Variants in SFXN1 observed in about 807,000 individuals in gnomAD.
SFXN1 encodes sideroflexin-1.
SFXN1 carries 32 observed loss-of-function variants against 39.5 expected under a neutral mutation model. The ratio of observed to expected loss-of-function variants is 0.81; its 90% CI spans 0.61 to 1.09. The LOEUF (loss-of-function observed/expected upper bound fraction) is 1.09, where lower values mean the gene tolerates loss of function less well. Among genes scored for constraint, SFXN1 ranks in the 50% least tolerant of loss-of-function variants. The probability of loss-of-function intolerance (pLI) is 0.00; values close to 1 mark genes in which losing one functional copy is unlikely to be tolerated. For synonymous variants in SFXN1, 136 were observed against 146.5 expected, an observed-to-expected ratio of 0.93 and a Z score of 0.52; for missense variants, 402 against 407.1, an observed-to-expected ratio of 0.99 and a Z score of 0.11.
At position 175,526,815 on chromosome 5, in the gene SFXN1, C is replaced by G. The variant is rs981404105; in HGVS notation, c.*81C>G. On this transcript the variant is annotated 3_prime_UTR_variant, in exon 11 of 11. Coordinates refer to ENST00000321442, the MANE Select transcript of SFXN1 (RefSeq NM_022754.7). ...GCTGGTGAGAAAAATCCTGTTCAAC[C>G]TGGGTTCTCCCAGTTACGGAAACCT... 8.6e-7 allele frequency: 1 copy of G among 1,162,890 alleles called. No homozygotes were observed. Among genetic ancestry groups the G allele is most frequent in the Non-Finnish European group, 1.3e-6 (1 of 778,986 alleles). 72.0% of individuals were successfully genotyped at this position (1,162,890 alleles called of 1,614,324 possible).
intron 10 of SFXN1, among the ~76,000 whole-genome samples, chr5:175,525,004 C>A (rs1761016392): frequency 6.6e-6 from 1 of 152,146 alleles, no homozygotes; most frequent in African/African-American, 2.4e-5. Context: ...ATTTAATCTT[C>A]CTCCTACAAA....
At chr5:175,494,069 G>A (rs1276594928) in intron 2 of SFXN1, among the ~76,000 whole-genome samples, 1 of 152,124 alleles carries the variant, frequency 6.6e-6, no homozygotes, top group African/African-American at 2.4e-5. Flanking sequence ...ATTAATTGGT[G>A]CTCCTAAAAG....
chr5:175,499,914 C>T (rs1243491689), intron 2 of SFXN1, among the ~76,000 whole-genome samples: 1 of 152,244 alleles, frequency 6.6e-6, no homozygotes, highest in Non-Finnish European at 1.5e-5. Flanking sequence ...CCAGGCCAGG[C>T]GCAGTGGCTC....
At chr5:175,506,028 G>C (rs1465179737) in intron 2 of SFXN1, among the ~76,000 whole-genome samples, 3 of 152,142 alleles carry the variant, frequency 2.0e-5, no homozygotes, top group African/African-American at 7.2e-5. Context: ...ATGTTGGCCA[G>C]GCTGGTGTCA....
intron 8 of SFXN1, among the ~76,000 whole-genome samples, chr5:175,519,273 T>C (rs980508615): frequency 1.2e-4 from 18 of 152,206 alleles, no homozygotes; most frequent in African/African-American, 4.1e-4. Context: ...GGTACAGTCA[T>C]GTGAGAAAAT....
intron 1 of SFXN1, among the ~76,000 whole-genome samples, chr5:175,482,241 G>C (rs1459548013): frequency 6.6e-6 from 1 of 152,164 alleles, no homozygotes; most frequent in Admixed American, 6.5e-5. Context: ...TGGGCAATCA[G>C]ACCCTTTCAT....
chr5:175,497,898 C>G (rs1046790741), intron 2 of SFXN1, among the ~76,000 whole-genome samples: 2 of 149,034 alleles, frequency 1.3e-5, no homozygotes, highest in African/African-American at 5.0e-5. Flanking sequence ...CCACTGCACT[C>G]CAGCGCAGGT....
chr5:175,516,615 C>A lies in SFXN1; in HGVS notation c.726C>A (p.Ala242=), dbSNP rs776084732. ...AAGTGGATCTATCTTTATTTCCAGC[C>A]ATCCCTCCATTCATTATGAACACTT... The part of the protein sequence containing the change: ...SRILMAAPGM[A]IPPFIMNTLE... Residue 242 remains alanine, a splice_region_variant and synonymous_variant, in exon 8 of 11, where the codon GCC becomes GCA. Coordinates refer to ENST00000321442, the MANE Select transcript of SFXN1 (RefSeq NM_022754.7). 3.1e-6 allele frequency: 5 copies of A among 1,610,438 alleles called. No homozygotes were observed. Among genetic ancestry groups the A allele is most frequent in the Non-Finnish European group, 4.2e-6 (5 of 1,178,750 alleles).
At chr5:175,483,519 A>G (rs1279977803) in intron 1 of SFXN1, 3 of 152,146 alleles carry the variant, frequency 2.0e-5, no homozygotes, top group African/African-American at 7.2e-5. Context: ...TCTGTCACCA[A>G]TCATTTTCTT....
chr5:175,505,339 A>T (rs1760247196), intron 2 of SFXN1, among the ~76,000 whole-genome samples: 1 of 151,726 alleles, frequency 6.6e-6, no homozygotes, highest in African/African-American at 2.4e-5. Context: ...GTTCAAGACC[A>T]GCCTGGCCAA....
chr5:175,508,222 A>ATTTTTT (rs67028708), intron 2 of SFXN1, among the ~76,000 whole-genome samples: 2 of 63,898 alleles, frequency 3.1e-5, no homozygotes, highest in Non-Finnish European at 5.6e-5. Context: ...AATAGATTTG[A>ATTTTTT]TTTTTTTTTT....
chr5:175,511,009 T>G (rs2652190), intron 4 of SFXN1, among the ~76,000 whole-genome samples: 31,736 of 152,150 alleles, frequency 0.21, 3,999 homozygotes, highest in South Asian at 0.35. Flanking sequence ...TAAGATATCA[T>G]TTTTTAAATG....
chr5:175,479,767 A>T (rs1452852516), intron 1 of SFXN1, among the ~76,000 whole-genome samples: 1 of 151,692 alleles, frequency 6.6e-6, no homozygotes, highest in East Asian at 1.9e-4. Flanking sequence ...TCCGTAGGCA[A>T]CTCTTTTCTG....
chr5:175,518,713 G>A (rs1760790348), intron 8 of SFXN1, among the ~76,000 whole-genome samples: 3 of 152,160 alleles, frequency 2.0e-5, no homozygotes, highest in Non-Finnish European at 4.4e-5. Context: ...TGGGATGTAG[G>A]CAATGTGTAA....
At chr5:175,485,948 AT>A (rs1211430385) in intron 1 of SFXN1, among the ~76,000 whole-genome samples, 5 of 152,232 alleles carry the variant, frequency 3.3e-5, no homozygotes, top group African/African-American at 1.2e-4. Context: ...GAGGTAGAAT[AT>A]TCTCTGATGT....
chr5:175,508,966 T>C, intron 2 of SFXN1, 66 bp from the exon 3 acceptor site: 4 of 1,472,402 alleles, frequency 2.7e-6, no homozygotes, highest in African/African-American at 1.4e-5. Context: ...TTGTAGCCAC[T>C]TGTCTCTAGG....
At chr5:175,478,921 C>T (rs187586416) in intron 1 of SFXN1, among the ~76,000 whole-genome samples, 132 of 152,262 alleles carry the variant, frequency 8.7e-4, no homozygotes, top group Non-Finnish European at 1.4e-3. Context: ...GTGGGAAGGG[C>T]CCTCCGCCGC....
At position 175,527,566 on chromosome 5, in the gene SFXN1, C is replaced by T. The variant is rs1230550407; in HGVS notation, c.*832C>T. 1 of 152,054 alleles carries T rather than the reference C, an allele frequency of 6.6e-6. No individual in the cohort carries two copies. The highest frequency in any genetic ancestry group is 1.5e-5 in the Non-Finnish European group (1 of 68,012). 9.4% of individuals were successfully genotyped at this position (152,054 alleles called of 1,614,324 possible). ...CCAATGCTGTATGAGTGGGCTGAAT[C>T]CAGTTCATTGTTTTTTTTTTGGTAA... On this transcript the variant is annotated 3_prime_UTR_variant, in exon 11 of 11. Coordinates refer to ENST00000321442, the MANE Select transcript of SFXN1 (RefSeq NM_022754.7).
chr5:175,506,114 G>A (rs974080735), intron 2 of SFXN1, among the ~76,000 whole-genome samples: 3 of 152,148 alleles, frequency 2.0e-5, no homozygotes, highest in East Asian at 1.9e-4. Context: ...CATTGTGCTC[G>A]GTCCACATTT....
Sources: gnomAD v4.1 joint callset for allele counts (sites outside exome capture counted in the v4.1 genomes callset) on GRCh38, gnomAD v4.1.1 for gene constraint, MANE v1.5 for transcripts, NCBI Gene and HGNC (gene_info 2026-07-23, HGNC 2026-07-21) for gene names.